Variants in CDC34 observed in about 807,000 individuals in gnomAD.
The protein encoded by CDC34 is cell division cycle 34, ubiquitin conjugating enzyme.
CDC34 carries 18 observed loss-of-function variants against 26.8 expected under a neutral mutation model. The observed-to-expected ratio is 0.67, with a 90% CI of 0.47 to 1.00. The LOEUF (loss-of-function observed/expected upper bound fraction) is 1.00, where lower values mean the gene tolerates loss of function less well. CDC34 is among the 50% of genes least tolerant of loss of function. CDC34 has a pLI of 0.00. For missense variants in CDC34, 280 were observed against 334.5 expected, an observed-to-expected ratio of 0.84 and a Z score of 1.27; for synonymous variants, 178 against 147.5, an observed-to-expected ratio of 1.21 and a Z score of -1.50.
chr19:540,804 C>G (rs1313711), intron 4 of CDC34, among the ~76,000 whole-genome samples: 1,518 of 10,296 alleles, frequency 0.15, 260 homozygotes, highest in African/African-American at 0.26. Context: ...CCAGGCCCCC[C>G]GGTTTAGAAT....
In CDC34 at chr19:531,915, G is replaced by T; in HGVS notation, c.-17G>T. 1 of 1,400,666 alleles carries T rather than the reference G, an allele frequency of 7.1e-7. No homozygotes were observed. Among genetic ancestry groups the T allele is most frequent in the Non-Finnish European group, 9.2e-7 (1 of 1,082,012 alleles). The allele number at this position is 1,400,666 out of a possible 1,614,324, so 86.8% of individuals were successfully genotyped here. ...CGGCCCCGCGCTGCTCCGACCCCGGGCCCCTCCGCCGCCGCCATGGCTCGG... is the reference window on the plus strand; with the variant it reads ...CGGCCCCGCGCTGCTCCGACCCCGGTCCCCTCCGCCGCCGCCATGGCTCGG... On this transcript the variant is annotated 5_prime_UTR_variant, in exon 1 of 5. Coordinates refer to ENST00000215574, the MANE Select transcript of CDC34 (RefSeq NM_004359.2).
chr19:535,984 C>G, intron 2 of CDC34, 61 bp downstream of exon 2: 2 of 1,476,134 alleles, frequency 1.4e-6, no homozygotes, highest in Non-Finnish European at 1.9e-6. Context: ...TGCTGGGAGC[C>G]TCACGTCCTC....
Position 531,859 on chromosome 19 carries a change from C to G in CDC34, c.-73C>G. The G allele has an allele frequency of 9.9e-7, 1 of 1,014,008 alleles. No individual in the cohort carries two copies. Among genetic ancestry groups the G allele is most frequent in the Non-Finnish European group, 1.2e-6 (1 of 801,144 alleles). The allele number at this position is 1,014,008 out of a possible 1,614,324, so 62.8% of individuals were successfully genotyped here. A position where few individuals can be genotyped will look rare whatever the true frequency, so the allele number is the denominator to read the frequency against. On this transcript the variant is annotated 5_prime_UTR_variant, in exon 1 of 5. Coordinates refer to ENST00000215574, the MANE Select transcript of CDC34 (RefSeq NM_004359.2). ...GCTCCCCCCCGGACGGTGCGCGGCC[C>G]GGCCCGTCTCGCGAACTCGCGGTGG... is the stretch of plus-strand genomic sequence containing the variant.
chr19:537,300 G>A (rs1016742720), intron 4 of CDC34, among the ~76,000 whole-genome samples, 153 bp downstream of exon 4: 10 of 152,288 alleles, frequency 6.6e-5, no homozygotes, highest in African/African-American at 2.4e-4. Context: ...GATGGAGGCC[G>A]GGCCGAGTGG....
chr19:539,923 A>C (rs1979934580), intron 4 of CDC34, among the ~76,000 whole-genome samples: 1 of 151,906 alleles, frequency 6.6e-6, no homozygotes, highest in Non-Finnish European at 1.5e-5. Context: ...AGGAAGTTTG[A>C]GCTAACTTGT....
Position 531,995 on chromosome 19 carries a change from G to A in CDC34, c.64G>A (p.Glu22Lys), listed in dbSNP as rs777031141. Residue 22 changes from glutamate to lysine, a missense_variant, in exon 1 of 5, where the codon GAA becomes AAA. Coordinates refer to ENST00000215574, the MANE Select transcript of CDC34 (RefSeq NM_004359.2). The stretch of plus-strand genomic sequence containing the variant: ...GCTGCTGGAGCTCAAGGGGCTGCAG[G>A]AAGAGCCGGTCGAGGGATTCCGCGT... The part of the protein sequence containing the change: ...ALLLELKGLQ[E>K]EPVEGFRVTL... 6.7e-6 allele frequency: 10 copies of A among 1,498,466 alleles called. No individual in the cohort carries two copies. In the Middle Eastern group the frequency reaches 1.0e-3, roughly 155 times the overall value. The allele number at this position is 1,498,466 out of a possible 1,614,324, so 92.8% of individuals were successfully genotyped here.
At chr19:534,234 C>T (rs190119425) in intron 1 of CDC34, among the ~76,000 whole-genome samples, 94 of 152,214 alleles carry the variant, frequency 6.2e-4, no homozygotes, top group African/African-American at 2.2e-3. Flanking sequence ...TCCAGCCTTG[C>T]TCTGTGGCCG....
intron 1 of CDC34, among the ~76,000 whole-genome samples, chr19:534,400 C>CG (rs1979631101): frequency 6.7e-6 from 1 of 149,902 alleles, no homozygotes; most frequent in Non-Finnish European, 1.5e-5. Context: ...GCCTCGCCCA[C>CG]AATCCAAGAC....
At chr19:533,345 A>G (rs1257541554) in intron 1 of CDC34, among the ~76,000 whole-genome samples, 1 of 152,168 alleles carries the variant, frequency 6.6e-6, no homozygotes, top group South Asian at 2.1e-4. Context: ...TGCCTCCCGC[A>G]CGATATGTGT....
intron 2 of CDC34, 111 bp from the exon 3 acceptor site, chr19:536,132 G>A (rs868704613): frequency 1.3e-4 from 122 of 925,624 alleles, no homozygotes; most frequent in Middle Eastern, 4.4e-4. Context: ...GGGACCCGGG[G>A]CGCTGGGAGC....
chr19:534,310 A>G (rs1979624863), intron 1 of CDC34, among the ~76,000 whole-genome samples: 1 of 151,720 alleles, frequency 6.6e-6, no homozygotes, highest in South Asian at 2.1e-4. Flanking sequence ...ACCCCCCAAG[A>G]CACCCCGCGT....
In CDC34 at chr19:541,865, A is replaced by C; in HGVS notation, c.*313A>C. The C allele has an allele frequency of 4.8e-6, 1 of 207,844 alleles. No individual in the cohort carries two copies. Among genetic ancestry groups the C allele is most frequent in the Admixed American group, 5.7e-5 (1 of 17,648 alleles). The allele number at this position is 207,844 out of a possible 1,614,324, so 12.9% of individuals were successfully genotyped here. The stretch of plus-strand genomic sequence containing the variant: ...GTCCCCCAGCTTCCGGACTGGCCGC[A>C]CCCCGGAGGAGCCACGGGGGCGCTG... On this transcript the variant is annotated 3_prime_UTR_variant, in exon 5 of 5. Coordinates refer to ENST00000215574, the MANE Select transcript of CDC34 (RefSeq NM_004359.2).
At chr19:536,627 C>A in intron 3 of CDC34, 1 of 551,174 alleles carries the variant, frequency 1.8e-6, no homozygotes, top group Non-Finnish European at 3.3e-6. Context: ...GTCCTGGGGC[C>A]TTCTCCTTAC....
chr19:535,529 TGCCACGGGCCTGGA>T (rs1979698376), intron 1 of CDC34, among the ~76,000 whole-genome samples: 1 of 152,194 alleles, frequency 6.6e-6, no homozygotes, highest in Admixed American at 6.5e-5. Context: ...TGACCTGGGC[TGCCACGGGCCTGGA>T]GCCACGCGGG....
chr19:532,271 C>T (rs933793225), intron 1 of CDC34, among the ~76,000 whole-genome samples, 163 bp downstream of exon 1: 5 of 152,146 alleles, frequency 3.3e-5, no homozygotes, highest in African/African-American at 1.2e-4. Context: ...CCACCCAGCT[C>T]TGCCCGGCCC....
At position 541,423 on chromosome 19, in the gene CDC34, C is replaced by A. The variant is rs750860829; in HGVS notation, c.582C>A (p.Thr194=). 21 of 1,612,372 alleles carry A rather than the reference C, an allele frequency of 1.3e-5. No individual in the cohort carries two copies. In the African/African-American group the frequency reaches 2.3e-4, roughly 17 times the overall value. Residue 194 remains threonine (T), a synonymous_variant, in exon 5 of 5, where the codon ACC becomes ACA. Transcript: ENST00000215574. ...PTTLAEYCVK[T]KAPAPDEGSD... is the part of the protein sequence containing the mutation. Reference sequence around the variant, plus strand: ...CGCTGGCCGAGTACTGCGTGAAGACCAAGGCGCCGGCGCCCGACGAGGGCT... The same window carrying A: ...CGCTGGCCGAGTACTGCGTGAAGACAAAGGCGCCGGCGCCCGACGAGGGCT...
At chr19:539,703 C>T (rs1399881136) in intron 4 of CDC34, among the ~76,000 whole-genome samples, 1 of 152,216 alleles carries the variant, frequency 6.6e-6, no homozygotes, top group Non-Finnish European at 1.5e-5. Context: ...AGCCCATTGC[C>T]TGCGGCTGCA....
intron 1 of CDC34, among the ~76,000 whole-genome samples, chr19:532,589 C>T (rs1979547230): frequency 6.6e-6 from 1 of 152,200 alleles, no homozygotes; most frequent in African/African-American, 2.4e-5. Context: ...CCCGTAGCTG[C>T]TATTGTTGGG....
chr19:536,633 C>T, intron 3 of CDC34: 1 of 548,112 alleles, frequency 1.8e-6, no homozygotes, highest in Non-Finnish European at 3.3e-6. Flanking sequence ...GGGCCTTCTC[C>T]TTACCCAGCC....
Sources: gnomAD v4.1 joint callset for allele counts (sites outside exome capture counted in the v4.1 genomes callset) on GRCh38, gnomAD v4.1.1 for gene constraint, MANE v1.5 for transcripts, NCBI Gene and HGNC (gene_info 2026-07-23, HGNC 2026-07-21) for gene names.